SPATC1: variants seen among roughly 807,000 people sequenced by gnomAD.
SPATC1 encodes spermatogenesis and centriole associated 1, also known as speriolin.
SPATC1 carries 35 observed loss-of-function variants against 36.5 expected under a neutral mutation model. The ratio of observed to expected loss-of-function variants is 0.96; its 90% CI spans 0.73 to 1.27. The LOEUF is 1.27. SPATC1 is among the 50% of genes most tolerant of loss of function. SPATC1 has a pLI of 0.00. For missense variants in SPATC1, 779 were observed against 796.0 expected (o/e 0.98, Z 0.26); for synonymous variants, 361 against 353.6 (o/e 1.02, Z -0.24).
intron 1 of SPATC1, among the ~76,000 whole-genome samples, chr8:144,020,092 C>A (rs1834475412): frequency 6.6e-6 from 1 of 151,604 alleles, no homozygotes; most frequent in African/African-American, 2.4e-5. Flanking sequence ...CCGTCAATAC[C>A]CCACAAGACT....
rs2133089414 is a variant in SPATC1 at position 144,012,366 on chromosome 8, C to T, written c.-150C>T. On this transcript the variant is annotated 5_prime_UTR_variant, in exon 1 of 5. Coordinates refer to ENST00000377470, the MANE Select transcript of SPATC1 (RefSeq NM_198572.3). Reference sequence around the variant, plus strand: ...AGAGCAGAGAGGGCAAGGAAGAGGGCACAGCCTCTGACCTCACAATACCCA... The same window carrying T: ...AGAGCAGAGAGGGCAAGGAAGAGGGTACAGCCTCTGACCTCACAATACCCA... 1.5e-6 allele frequency: 1 copy of T among 651,318 alleles called. No homozygotes were observed. Among genetic ancestry groups the T allele is most frequent in the East Asian group, 2.7e-5 (1 of 36,778 alleles). 40.3% of individuals were successfully genotyped at this position (651,318 alleles called of 1,614,324 possible).
intron 1 of SPATC1, among the ~76,000 whole-genome samples, chr8:144,037,446 GGA>G (rs546122135): frequency 1.2e-4 from 19 of 152,162 alleles, no homozygotes; most frequent in African/African-American, 4.6e-4. Flanking sequence ...GGTAGACATG[GGA>G]GACTTTTCAT....
At chr8:144,034,296 G>A (rs1316163481) in intron 1 of SPATC1, among the ~76,000 whole-genome samples, 1 of 152,260 alleles carries the variant, frequency 6.6e-6, no homozygotes, top group African/African-American at 2.4e-5. Flanking sequence ...CTCCACATGA[G>A]GCTGGGCCAC....
intron 1 of SPATC1, among the ~76,000 whole-genome samples, chr8:144,029,259 C>G (rs967680211): frequency 1.1e-4 from 15 of 139,408 alleles, no homozygotes; most frequent in Non-Finnish European, 1.8e-4. Flanking sequence ...ATTGTCTTTG[C>G]ACACTTGCCA....
intron 1 of SPATC1, among the ~76,000 whole-genome samples, chr8:144,024,179 C>A (rs1287591184): frequency 6.6e-6 from 1 of 151,200 alleles, no homozygotes; most frequent in Non-Finnish European, 1.5e-5. Context: ...CCCGTTAGGA[C>A]CCTCTCCCTT....
chr8:144,015,042 AT>A (rs1162178995), intron 1 of SPATC1, among the ~76,000 whole-genome samples: 2,560 of 148,032 alleles, frequency 0.017, 56 homozygotes, highest in African/African-American at 0.049. Flanking sequence ...AATATTTAAA[AT>A]TTTTTTTTTT....
intron 1 of SPATC1, among the ~76,000 whole-genome samples, chr8:144,038,967 C>G (rs1042500351): frequency 6.6e-6 from 1 of 152,150 alleles, no homozygotes; most frequent in Non-Finnish European, 1.5e-5. Flanking sequence ...GAGCTATATA[C>G]GCACGGTAGA....
chr8:144,019,684 C>A (rs1283100128), intron 1 of SPATC1, among the ~76,000 whole-genome samples: 1 of 152,112 alleles, frequency 6.6e-6, no homozygotes, highest in African/African-American at 2.4e-5. Context: ...GCACTGAAAA[C>A]TGGCTCCTGC....
At chr8:144,013,848 C>T (rs192679485) in intron 1 of SPATC1, among the ~76,000 whole-genome samples, 3 of 152,174 alleles carry the variant, frequency 2.0e-5, no homozygotes, top group African/African-American at 4.8e-5. Flanking sequence ...CCCAGCTACT[C>T]GGGAGGCTGA....
chr8:144,014,982 G>A (rs1473470165), intron 1 of SPATC1, among the ~76,000 whole-genome samples: 2 of 152,108 alleles, frequency 1.3e-5, no homozygotes, highest in Non-Finnish European at 2.9e-5. Context: ...AGGAGTTAGC[G>A]TTTCTCACAA....
chr8:144,012,264 C>T, upstream of SPATC1: 1 of 499,210 alleles, frequency 2.0e-6, no homozygotes, highest in Non-Finnish European at 3.6e-6. Flanking sequence ...GTTGGCGAGA[C>T]AGAGAAAAGG....
intron 1 of SPATC1, among the ~76,000 whole-genome samples, chr8:144,031,697 TTC>T (rs1273202788): frequency 2.0e-5 from 3 of 151,456 alleles, no homozygotes; most frequent in Non-Finnish European, 4.4e-5. Flanking sequence ...CAACTATTTT[TTC>T]TTTTTCTTTT....
rs1835259709 is a variant in SPATC1 at position 144,046,328 on chromosome 8, T to G, written c.1447-299T>G. Among the ~76,000 whole-genome samples, 3 of 152,134 alleles carry G rather than the reference T, an allele frequency of 2.0e-5. No homozygotes were observed. The highest frequency in any genetic ancestry group is 2.0e-4 in the Admixed American group (3 of 15,282). The stretch of plus-strand genomic sequence containing the variant: ...GAGGCCTCAGCCCAGTTGCACTCCC[T>G]GGTGGTGCGTGGAGCAGACGACAGG... On this transcript the variant is annotated intron_variant, in intron 4 of 4. Coordinates refer to ENST00000377470, the MANE Select transcript of SPATC1 (RefSeq NM_198572.3). The surrounding 1 kb of genome is among the most constrained non-coding windows in gnomAD (Gnocchi z 6.6).
At position 144,046,849 on chromosome 8, in the gene SPATC1, G is replaced by A. The variant is rs1554756888; in HGVS notation, c.1669G>A (p.Val557Met). The A allele has an allele frequency of 1.4e-5, 22 of 1,602,272 alleles. No homozygotes were observed. The highest frequency in any genetic ancestry group is 1.8e-5 in the Non-Finnish European group (21 of 1,179,860). The part of the protein sequence containing the change: ...GPYTVDFLQR[V>M]VVETVHPGML... ...CTACACCGTGGACTTCCTGCAGCGT[G>A]TGGTGGTGGAGACCGTGCACCCCGG... The change falls in exon 5 of 5, where the codon GTG becomes ATG. Residue 557 changes from valine (V) to methionine (M), a missense_variant. Coordinates refer to ENST00000377470, the MANE Select transcript of SPATC1 (RefSeq NM_198572.3). This position sits in a 1 kb window ranked among gnomAD's most constrained non-coding sequence, Gnocchi z 6.6.
chr8:144,041,299 G>A lies in SPATC1; in HGVS notation c.1374G>A (p.Leu458=). The A allele has an allele frequency of 1.2e-6, 2 of 1,613,194 alleles. No homozygotes were observed. The highest frequency in any genetic ancestry group is 1.7e-6 in the Non-Finnish European group (2 of 1,179,998). The change falls in exon 4 of 5, where the codon CTG becomes CTA. Residue 458 remains leucine (L), a synonymous_variant. Coordinates refer to ENST00000377470, the MANE Select transcript of SPATC1 (RefSeq NM_198572.3). ...EIAFQLDRRI[L]SSIFPERVRL... Reference sequence around the variant, plus strand: ...CCTTCCAGCTGGACCGCAGGATCCTGTCCAGCATCTTCCCAGAGCGCGTAC... The same window carrying A: ...CCTTCCAGCTGGACCGCAGGATCCTATCCAGCATCTTCCCAGAGCGCGTAC...
At chr8:144,029,390 T>G (rs1278166856) in intron 1 of SPATC1, among the ~76,000 whole-genome samples, 1 of 151,830 alleles carries the variant, frequency 6.6e-6, no homozygotes, top group Non-Finnish European at 1.5e-5. Context: ...GGCAACATGT[T>G]GAAACCCCAT....
Position 144,040,585 on chromosome 8 carries a change from C to G in SPATC1, c.784C>G (p.Pro262Ala). The change falls in exon 3 of 5, where the codon CCC (proline) becomes GCC (alanine). Residue 262 changes from proline to alanine, a missense_variant. Pro to Ala is a conservative substitution (Grantham distance 27). Transcript: ENST00000377470. The part of the protein sequence containing the change: ...ATTKVPLSTE[P>A]PQSTQDPEPL... Reference sequence around the variant, plus strand: ...ATCACTAGTCCCACTCTCCACTGAGCCCCCCCAGTCGACCCAGGACCCAGA... The same window carrying G: ...ATCACTAGTCCCACTCTCCACTGAGGCCCCCCAGTCGACCCAGGACCCAGA... 3 of 1,593,662 alleles carry G rather than the reference C, an allele frequency of 1.9e-6. No individual in the cohort carries two copies. Among genetic ancestry groups the G allele is most frequent in the Non-Finnish European group, 2.6e-6 (3 of 1,170,098 alleles).
At position 144,040,651 on chromosome 8, in the gene SPATC1, T is replaced by C; in HGVS notation, c.850T>C (p.Ser284Pro). ...MAFAGAPLQT[S>P]TPIGAMGTPA... ...GTTTGCAGGAGCACCCCTCCAGACC[T>C]CCACCCCTATCGGAGCCATGGGCAC... Residue 284 changes from serine (S) to proline (P), a missense_variant, in exon 3 of 5, where the codon TCC becomes CCC. Physicochemically the swap from Ser to Pro is moderately conservative, Grantham distance 74. Transcript: ENST00000377470. 6.2e-7 allele frequency: 1 copy of C among 1,609,222 alleles called. No individual in the cohort carries two copies. Among genetic ancestry groups the C allele is most frequent in the Non-Finnish European group, 8.5e-7 (1 of 1,178,800 alleles).
intron 4 of SPATC1, among the ~76,000 whole-genome samples, chr8:144,043,901 C>T (rs997973348): frequency 2.6e-5 from 4 of 152,158 alleles, no homozygotes; most frequent in Admixed American, 6.5e-5. Flanking sequence ...CACGGGCACA[C>T]GCCTTGGAGG....
Sources: allele counts gnomAD v4.1 joint callset (sites outside exome capture counted in the v4.1 genomes callset), GRCh38; gene constraint gnomAD v4.1.1; non-coding constraint Gnocchi (gnomAD v3.1); transcripts MANE v1.5; gene names NCBI Gene and HGNC (gene_info 2026-07-23, HGNC 2026-07-21).